TAFA1: variants seen among roughly 807,000 people sequenced by gnomAD.
TAFA1 encodes chemokine-like protein TAFA-1.
Under a neutral mutation model 18.5 loss-of-function variants are expected in TAFA1, and 4 were observed. The ratio of observed to expected loss-of-function variants is 0.22; its 90% CI spans 0.11 to 0.49. TAFA1 has a LOEUF of 0.49. Ranked by LOEUF, TAFA1 falls within the 20% of genes least tolerant of loss-of-function variation. TAFA1 has a pLI of 0.98. For synonymous variants in TAFA1, 56 were observed against 55.2 expected (o/e 1.01, Z -0.06); for missense variants, 147 against 169.0 (o/e 0.87, Z 0.72).
rs1304563753 is a variant in TAFA1 at position 68,348,492 on chromosome 3, G to A, written c.119-68788G>A. ...TATGCTTTCTTGAACTAGAAATTTC[G>A]GTGATAGAAAACCATTGCAAGCTAC... On this transcript the variant is annotated intron_variant, in intron 2 of 4. Coordinates refer to ENST00000478136, the MANE Select transcript of TAFA1 (RefSeq NM_213609.4). 2.6e-5 allele frequency among the ~76,000 whole-genome samples: 4 copies of A among 151,956 alleles called. No homozygotes were observed. The East Asian group carries it at 7.7e-4, about 29-fold the overall frequency.
At chr3:68,343,410 T>C (rs893567162) in intron 2 of TAFA1, among the ~76,000 whole-genome samples, 2 of 152,200 alleles carry the variant, frequency 1.3e-5, no homozygotes, top group Non-Finnish European at 2.9e-5. Flanking sequence ...GACATACTGG[T>C]CTCTGTGCTT....
At chr3:68,242,633 C>T (rs1045889899) in intron 2 of TAFA1, among the ~76,000 whole-genome samples, 2 of 152,106 alleles carry the variant, frequency 1.3e-5, no homozygotes, top group African/African-American at 4.8e-5. Context: ...TGCCTAACAT[C>T]ACAAATTTAG....
At chr3:68,068,812 G>T (rs1004848664) in intron 2 of TAFA1, among the ~76,000 whole-genome samples, 7 of 152,120 alleles carry the variant, frequency 4.6e-5, no homozygotes, top group African/African-American at 1.7e-4. Flanking sequence ...TAATAAGGAT[G>T]GCCATAAAAA....
intron 2 of TAFA1, among the ~76,000 whole-genome samples, chr3:68,031,448 G>T (rs1309802166): frequency 6.6e-6 from 1 of 152,170 alleles, no homozygotes; most frequent in African/African-American, 2.4e-5. Flanking sequence ...ATAGTGGGCA[G>T]TGCTTATAAA....
At chr3:68,270,379 A>G (rs2067641652) in intron 2 of TAFA1, among the ~76,000 whole-genome samples, 1 of 152,174 alleles carries the variant, frequency 6.6e-6, no homozygotes. Flanking sequence ...TTGTGTCCAG[A>G]AGAAGACAGA....
chr3:68,298,626 C>T (rs1008957858), intron 2 of TAFA1, among the ~76,000 whole-genome samples: 24 of 152,126 alleles, frequency 1.6e-4, no homozygotes, highest in African/African-American at 4.3e-4. Flanking sequence ...GGGGTGTTTT[C>T]CCCTGTGCTC....
In TAFA1 at chr3:68,446,161, C is replaced by T. The variant is rs529302375; in HGVS notation, c.259+28741C>T. ...GCCTCAAGACGTCCTCCCACCTCAG[C>T]CTTCCAAAGTGTTGGGATTATAGAC... On this transcript the variant is annotated intron_variant, in intron 3 of 4. Transcript: ENST00000478136. Among the ~76,000 whole-genome samples, 4 of 152,264 alleles carry T rather than the reference C, an allele frequency of 2.6e-5. No individual in the cohort carries two copies. The East Asian group carries it at 7.7e-4, about 29-fold the overall frequency.
At chr3:68,382,917 G>A (rs553160798) in intron 2 of TAFA1, among the ~76,000 whole-genome samples, 98 of 152,054 alleles carry the variant, frequency 6.4e-4, no homozygotes, top group African/African-American at 2.0e-3. Flanking sequence ...GTAAAGATCT[G>A]TCACCTCTCT....
intron 2 of TAFA1, among the ~76,000 whole-genome samples, chr3:68,252,825 G>A (rs2067223018): frequency 6.6e-6 from 1 of 152,116 alleles, no homozygotes. Flanking sequence ...TAATTCCTCT[G>A]TGTTGTGGAA....
intron 2 of TAFA1, among the ~76,000 whole-genome samples, chr3:68,362,437 G>A (rs1241878012): frequency 6.6e-6 from 1 of 152,114 alleles, no homozygotes; most frequent in Non-Finnish European, 1.5e-5. Flanking sequence ...TTAGATTCAG[G>A]AAACAGCACA....
chr3:68,039,369 G>A (rs1261411526), intron 2 of TAFA1, among the ~76,000 whole-genome samples: 4 of 152,076 alleles, frequency 2.6e-5, no homozygotes, highest in Admixed American at 6.6e-5. Flanking sequence ...TTATGGATAA[G>A]GGACAAGTAC....
chr3:68,490,964 G>A (rs1482320079), intron 3 of TAFA1, among the ~76,000 whole-genome samples: 1 of 151,444 alleles, frequency 6.6e-6, no homozygotes, highest in Non-Finnish European at 1.5e-5. Flanking sequence ...TCAACCCCCC[G>A]AGTTGCTGGA....
intron 2 of TAFA1, among the ~76,000 whole-genome samples, chr3:68,150,188 C>T (rs1042108143): frequency 2.6e-5 from 4 of 152,168 alleles, no homozygotes; most frequent in African/African-American, 4.8e-5. Context: ...TTTTACCAGT[C>T]ATGTAATTCA....
intron 2 of TAFA1, among the ~76,000 whole-genome samples, chr3:68,148,021 A>G (rs2065763505): frequency 6.6e-6 from 1 of 152,162 alleles, no homozygotes; most frequent in South Asian, 2.1e-4. Flanking sequence ...AAAAAGCAGG[A>G]CTCTGCTTCT....
At chr3:68,285,995 G>A (rs1453638343) in intron 2 of TAFA1, among the ~76,000 whole-genome samples, 2 of 151,954 alleles carry the variant, frequency 1.3e-5, no homozygotes, top group South Asian at 4.2e-4. Context: ...GGCAGATCAC[G>A]AGGTCAAGAG....
At chr3:68,478,202 G>A (rs530398784) in intron 3 of TAFA1, among the ~76,000 whole-genome samples, 2 of 152,274 alleles carry the variant, frequency 1.3e-5, no homozygotes, top group African/African-American at 4.8e-5. Context: ...CACTCTCTTT[G>A]TTTAACAAAT....
intron 3 of TAFA1, among the ~76,000 whole-genome samples, chr3:68,503,891 G>T (rs892589085): frequency 5.3e-5 from 8 of 152,008 alleles, no homozygotes; most frequent in Admixed American, 3.3e-4. Context: ...GTAAAAAGAT[G>T]ATGATAATTA....
At chr3:68,332,256 A>C (rs2106733025) in intron 2 of TAFA1, among the ~76,000 whole-genome samples, 1 of 152,248 alleles carries the variant, frequency 6.6e-6, no homozygotes, top group African/African-American at 2.4e-5. Context: ...CCATACATAG[A>C]AATCAATTCC....
chr3:68,498,566 G>C lies in TAFA1; in HGVS notation c.260-40190G>C, dbSNP rs2072593602. ...GGAAAAAAGACCATGTCTGACCTTG[G>C]CTGAAAACATGGTAATTACAGAGCC... On this transcript the variant is annotated intron_variant, in intron 3 of 4. Coordinates refer to ENST00000478136, the MANE Select transcript of TAFA1 (RefSeq NM_213609.4). 3.3e-5 allele frequency among the ~76,000 whole-genome samples: 5 copies of C among 151,986 alleles called. No homozygotes were observed. The South Asian group carries it at 1.0e-3, about 32-fold the overall frequency.
Sources: allele counts gnomAD v4.1 joint callset (sites outside exome capture counted in the v4.1 genomes callset), GRCh38; gene constraint gnomAD v4.1.1; transcripts MANE v1.5; gene names NCBI Gene and HGNC (gene_info 2026-07-23, HGNC 2026-07-21).